Variants in SPAG16 observed in about 807,000 individuals in gnomAD.
SPAG16 encodes sperm associated antigen 16.
SPAG16 carries 86 observed loss-of-function variants against 80.4 expected under a neutral mutation model. That is an observed-to-expected ratio of 1.07 (90% CI 0.90 to 1.28). The LOEUF is 1.28. SPAG16 is among the 50% of genes most tolerant of loss of function. The pLI is 0.00. For missense variants in SPAG16, 870 were observed against 765.3 expected, an observed-to-expected ratio of 1.14 and a Z score of -1.61; for synonymous variants, 294 against 265.9, an observed-to-expected ratio of 1.11 and a Z score of -1.03.
intron 13 of SPAG16, among the ~76,000 whole-genome samples, chr2:214,032,432 T>C (rs894208882): frequency 2.0e-5 from 3 of 152,158 alleles, no homozygotes; most frequent in Admixed American, 6.5e-5. Context: ...TAGTTATAAG[T>C]GAACAGAGCC....
chr2:213,483,474 A>AC (rs1486317087), intron 9 of SPAG16, among the ~76,000 whole-genome samples: 1 of 152,244 alleles, frequency 6.6e-6, no homozygotes. Context: ...ATTAATGCTT[A>AC]CAGATAGGCT....
intron 10 of SPAG16, among the ~76,000 whole-genome samples, chr2:213,838,955 C>T (rs1490956080): frequency 6.6e-6 from 1 of 152,050 alleles, no homozygotes; most frequent in Admixed American, 6.6e-5. Flanking sequence ...AAACCACTGC[C>T]CTCTTATAAA....
chr2:213,395,816 C>A (rs1180434876), intron 9 of SPAG16, among the ~76,000 whole-genome samples: 1 of 152,154 alleles, frequency 6.6e-6, no homozygotes. Context: ...CTGGATAGAA[C>A]ATCACTTCAA....
chr2:214,257,786 A>G (rs1690804351), intron 15 of SPAG16, among the ~76,000 whole-genome samples: 1 of 152,102 alleles, frequency 6.6e-6, no homozygotes, highest in Admixed American at 6.6e-5. Flanking sequence ...ATGGATTTAT[A>G]TTTGTAAATG....
chr2:214,177,296 T>C (rs2057124217), intron 15 of SPAG16, among the ~76,000 whole-genome samples: 1 of 151,148 alleles, frequency 6.6e-6, no homozygotes. Context: ...TTACCAAATG[T>C]ATCTATTTTG....
chr2:213,344,102 A>C (rs911334524), intron 6 of SPAG16, among the ~76,000 whole-genome samples: 1 of 152,160 alleles, frequency 6.6e-6, no homozygotes, highest in African/African-American at 2.4e-5. Flanking sequence ...TCCCATTCTA[A>C]CAGAGGGGTC....
At chr2:214,369,153 A>G (rs1699661666) in intron 15 of SPAG16, among the ~76,000 whole-genome samples, 1 of 152,132 alleles carries the variant, frequency 6.6e-6, no homozygotes, top group Non-Finnish European at 1.5e-5. Flanking sequence ...TTTAATGAAT[A>G]TGTATCTAAT....
At chr2:213,544,252 T>G (rs1181906580) in intron 10 of SPAG16, among the ~76,000 whole-genome samples, 1 of 152,080 alleles carries the variant, frequency 6.6e-6, no homozygotes, top group African/African-American at 2.4e-5. Flanking sequence ...TTTCAAAAAC[T>G]GTTATTCCTG....
chr2:213,388,574 T>A (rs72939063), intron 9 of SPAG16, among the ~76,000 whole-genome samples: 2,239 of 152,194 alleles, frequency 0.015, 25 homozygotes, highest in Middle Eastern at 0.024. Flanking sequence ...TAAATTTTTT[T>A]AAAAAATAAA....
At chr2:213,315,052 TATG>T (rs1255571612) in intron 4 of SPAG16, among the ~76,000 whole-genome samples, 2 of 152,014 alleles carry the variant, frequency 1.3e-5, no homozygotes, top group East Asian at 3.8e-4. Context: ...TGATTTATAA[TATG>T]AAACTACTGA....
intron 12 of SPAG16, among the ~76,000 whole-genome samples, chr2:213,975,627 G>T (rs72934033): frequency 0.13 from 19,397 of 151,474 alleles, 1,711 homozygotes; most frequent in Non-Finnish European, 0.19. Context: ...GGGGAAAACA[G>T]AAAATTCACC....
At chr2:213,632,937 T>C (rs2062210501) in intron 10 of SPAG16, among the ~76,000 whole-genome samples, 1 of 152,156 alleles carries the variant, frequency 6.6e-6, no homozygotes. Flanking sequence ...TTTTCTTCTA[T>C]TTGTTGTATC....
At chr2:213,638,169 A>C (rs911383349) in intron 10 of SPAG16, among the ~76,000 whole-genome samples, 14 of 152,082 alleles carry the variant, frequency 9.2e-5, no homozygotes, top group Admixed American at 7.2e-4. Context: ...TAGTCTATCA[A>C]TTGTGTTTAT....
chr2:213,432,750 A>C (rs902204665), intron 9 of SPAG16, among the ~76,000 whole-genome samples: 1 of 152,182 alleles, frequency 6.6e-6, no homozygotes, highest in Non-Finnish European at 1.5e-5. Flanking sequence ...AATTCATTCT[A>C]TTAGGCCAGT....
rs145970246 is a variant in SPAG16, at chr2:213,596,020, C to T, written c.1070+105930C>T. Among the ~76,000 whole-genome samples, 1,448 of 152,120 alleles carry T rather than the reference C, an allele frequency of 9.5e-3. 10 individuals carry two copies. Among genetic ancestry groups the T allele is most frequent in the Middle Eastern group, 0.02 (6 of 294 alleles). On this transcript the variant is annotated intron_variant, in intron 10 of 15. Transcript: ENST00000331683. ...AGTCTGCTCTAGATACATCATTTTG[C>T]TATTCAAGGCCAAATCACAAAATGA...
chr2:213,418,203 CAT>C (rs1193446749), intron 9 of SPAG16, among the ~76,000 whole-genome samples: 1 of 152,258 alleles, frequency 6.6e-6, no homozygotes, highest in African/African-American at 2.4e-5. Flanking sequence ...CATGTATACA[CAT>C]ATATGCATAC....
intron 12 of SPAG16, among the ~76,000 whole-genome samples, chr2:213,955,158 A>C (rs2044056281): frequency 1.3e-5 from 2 of 152,000 alleles, no homozygotes; most frequent in Admixed American, 6.6e-5. Context: ...ATTTTGGTTA[A>C]ATGATTTATC....
intron 10 of SPAG16, among the ~76,000 whole-genome samples, chr2:213,656,177 G>A (rs2063213920): frequency 6.6e-6 from 1 of 152,162 alleles, no homozygotes. Context: ...TTATGCACAA[G>A]TATTAATTGT....
At chr2:213,891,393 C>T (rs1237893037) in intron 11 of SPAG16, among the ~76,000 whole-genome samples, 1 of 152,002 alleles carries the variant, frequency 6.6e-6, no homozygotes, top group Non-Finnish European at 1.5e-5. Flanking sequence ...AGATACCAAC[C>T]ATAATACCTA....
Sources: allele counts gnomAD v4.1 joint callset (sites outside exome capture counted in the v4.1 genomes callset), GRCh38; gene constraint gnomAD v4.1.1; transcripts MANE v1.5; gene names NCBI Gene and HGNC (gene_info 2026-07-23, HGNC 2026-07-21).